The following VSNL1 variants were observed in gnomAD, a reference collection of about 807,000 sequenced individuals.
VSNL1 encodes the protein visinin like 1.
VSNL1 carries 6 observed loss-of-function variants against 20.4 expected under a neutral mutation model. The ratio of observed to expected loss-of-function variants is 0.29; its 90% confidence interval spans 0.16 to 0.58. The LOEUF is 0.58. VSNL1 is among the 20% of genes least tolerant of loss of function. VSNL1 has a pLI of 0.90. For synonymous variants in VSNL1, 93 were observed against 86.4 expected, an observed-to-expected ratio of 1.08 and a Z score of -0.42; for missense variants, 100 against 234.5, an observed-to-expected ratio of 0.43 and a Z score of 3.75.
intron 2 of VSNL1, among the ~76,000 whole-genome samples, chr2:17,593,685 C>T (rs1664647333): frequency 6.6e-6 from 1 of 152,198 alleles, no homozygotes; most frequent in South Asian, 2.1e-4. Flanking sequence ...TGTGACATTT[C>T]TAAGAAGATC....
At chr2:17,541,266 T>C (rs1465184137) in intron 1 of VSNL1, 1 of 152,218 alleles carries the variant, frequency 6.6e-6, no homozygotes, top group Non-Finnish European at 1.5e-5. Flanking sequence ...CTGATAAAAC[T>C]ATTGAGCGGG....
intron 2 of VSNL1, among the ~76,000 whole-genome samples, chr2:17,597,203 C>T (rs1235415461): frequency 6.6e-6 from 1 of 152,162 alleles, no homozygotes; most frequent in African/African-American, 2.4e-5. Context: ...TCTTAGACAC[C>T]GAACTCTGTG....
intron 1 of VSNL1, among the ~76,000 whole-genome samples, chr2:17,547,234 A>G (rs1303930783): frequency 6.6e-6 from 1 of 152,054 alleles, no homozygotes; most frequent in Non-Finnish European, 1.5e-5. Flanking sequence ...CTCAGTTTCT[A>G]ATAGTAATTC....
At position 17,656,160 on chromosome 2, in the gene VSNL1, C is replaced by A. The variant is rs1193019142; in HGVS notation, c.*766C>A. 1.3e-5 allele frequency: 2 copies of A among 152,268 alleles called. No homozygotes were observed. The highest frequency in any genetic ancestry group is 4.8e-5 in the African/African-American group (2 of 41,424). 9.4% of individuals were successfully genotyped at this position (152,268 alleles called of 1,614,324 possible). A position where few individuals can be genotyped will look rare whatever the true frequency, so the allele number is the denominator to read the frequency against. The stretch of plus-strand genomic sequence containing the variant: ...CTTCCAATGTGGTGGCAATAAATGT[C>A]CCAAATAAATTTATAACAATTGATT... On this transcript the variant is annotated 3_prime_UTR_variant, in exon 4 of 4. Transcript: ENST00000295156.
intron 1 of VSNL1, among the ~76,000 whole-genome samples, chr2:17,554,609 G>A (rs1055533285): frequency 2.6e-5 from 4 of 152,092 alleles, no homozygotes; most frequent in South Asian, 2.1e-4. Context: ...AGAGGGCTGC[G>A]ATTGACATTC....
At chr2:17,550,334 G>A (rs920210292) in intron 1 of VSNL1, among the ~76,000 whole-genome samples, 20 of 152,108 alleles carry the variant, frequency 1.3e-4, no homozygotes, top group African/African-American at 4.6e-4. Context: ...TGATTTTGAA[G>A]TAAAATAATC....
At chr2:17,584,296 A>G (rs1410445395) in intron 1 of VSNL1, among the ~76,000 whole-genome samples, 1 of 152,190 alleles carries the variant, frequency 6.6e-6, no homozygotes, top group Non-Finnish European at 1.5e-5. Flanking sequence ...TTCCAAAGTC[A>G]TAGAATAGCA....
chr2:17,574,022 T>G (rs947944645), intron 1 of VSNL1, among the ~76,000 whole-genome samples: 1 of 152,202 alleles, frequency 6.6e-6, no homozygotes, highest in Admixed American at 6.5e-5. Context: ...CAACCTAACT[T>G]TAGCAGCAAG....
chr2:17,618,044 G>A (rs1665261507), intron 2 of VSNL1, among the ~76,000 whole-genome samples: 1 of 152,160 alleles, frequency 6.6e-6, no homozygotes, highest in African/African-American at 2.4e-5. Context: ...TGGGGAGGGG[G>A]ATAAGGGAAG....
chr2:17,621,821 G>A (rs1376681014), intron 2 of VSNL1, among the ~76,000 whole-genome samples: 2 of 151,974 alleles, frequency 1.3e-5, no homozygotes, highest in Non-Finnish European at 2.9e-5. Context: ...TCAAATATTT[G>A]TAGAGACAGG....
chr2:17,603,791 A>T (rs980358280), intron 2 of VSNL1, among the ~76,000 whole-genome samples: 1 of 152,232 alleles, frequency 6.6e-6, no homozygotes, highest in African/African-American at 2.4e-5. Flanking sequence ...TTCTTAAAAC[A>T]ACATGATGGA....
intron 1 of VSNL1, among the ~76,000 whole-genome samples, chr2:17,573,177 T>C (rs1304829640): frequency 2.0e-5 from 3 of 152,216 alleles, no homozygotes; most frequent in Non-Finnish European, 2.9e-5. Context: ...TGATAAACTA[T>C]TGACACATTT....
At chr2:17,635,315 G>A (rs114505881) in intron 2 of VSNL1, among the ~76,000 whole-genome samples, 105 of 152,304 alleles carry the variant, frequency 6.9e-4, no homozygotes, top group African/African-American at 2.3e-3. Context: ...GCAAGCTGTG[G>A]GCGGTGGGGA....
At chr2:17,561,790 GGAGA>G (rs949065934) in intron 1 of VSNL1, among the ~76,000 whole-genome samples, 1 of 152,156 alleles carries the variant, frequency 6.6e-6, no homozygotes, top group Non-Finnish European at 1.5e-5. Context: ...AAGAAAAAGA[GGAGA>G]GAGAGACTGT....
At chr2:17,592,000 G>T in intron 1 of VSNL1, 70 bp from the exon 2 acceptor site, 1 of 1,582,640 alleles carries the variant, frequency 6.3e-7, no homozygotes. Flanking sequence ...CAGAACTCTA[G>T]CTTGGCTCCT....
At chr2:17,568,684 G>A (rs1056844255) in intron 1 of VSNL1, among the ~76,000 whole-genome samples, 4 of 152,004 alleles carry the variant, frequency 2.6e-5, no homozygotes, top group East Asian at 1.9e-4. Flanking sequence ...TTTACTCATC[G>A]TTGCTTCTTA....
intron 1 of VSNL1, among the ~76,000 whole-genome samples, chr2:17,570,910 T>G (rs1282556973): frequency 1.3e-5 from 2 of 151,924 alleles, no homozygotes; most frequent in African/African-American, 4.8e-5. Flanking sequence ...TGGTGGCGCC[T>G]GTAATCCTGG....
intron 2 of VSNL1, among the ~76,000 whole-genome samples, chr2:17,641,180 C>A (rs147088106): frequency 6.6e-6 from 1 of 152,156 alleles, no homozygotes; most frequent in African/African-American, 2.4e-5. Flanking sequence ...CTTGGATAGA[C>A]CACTTTATTC....
intron 2 of VSNL1, among the ~76,000 whole-genome samples, chr2:17,629,607 A>AT (rs1013932729): frequency 1.3e-5 from 2 of 152,198 alleles, no homozygotes; most frequent in African/African-American, 4.8e-5. Context: ...TTTCTCAGCC[A>AT]CTTTGCCAAC....
Sources: gnomAD v4.1 joint callset for allele counts (sites outside exome capture counted in the v4.1 genomes callset) on GRCh38, gnomAD v4.1.1 for gene constraint, MANE v1.5 for transcripts, NCBI Gene and HGNC (gene_info 2026-07-23, HGNC 2026-07-21) for gene names.